Variants in APBB2 observed in about 807,000 individuals in gnomAD.
The protein encoded by APBB2 is Fe65-like 1.
Under a neutral mutation model 82.5 loss-of-function variants are expected in APBB2, and 38 were observed. The observed-to-expected ratio is 0.46, with a 90% CI of 0.36 to 0.60. APBB2 has a LOEUF of 0.60. APBB2 is among the 20% of genes least tolerant of loss of function. The pLI is 0.00. For synonymous variants in APBB2, 341 were observed against 368.2 expected (o/e 0.93, Z 0.85); for missense variants, 772 against 972.3 (o/e 0.79, Z 2.74).
At chr4:40,850,995 A>C (rs1158603908) in intron 12 of APBB2, among the ~76,000 whole-genome samples, 1 of 152,216 alleles carries the variant, frequency 6.6e-6, no homozygotes. Context: ...AAAATCTGCC[A>C]ACCCCTGCTC....
chr4:40,825,967 TCTA>T lies in APBB2; in HGVS notation c.1733_1735del (p.Val578del). On this transcript the variant is annotated inframe_deletion and splice_region_variant, in exon 15 of 18. Transcript: ENST00000508593. ...CAGCTCAGTCTTTGGTGTTGGAAAA[TCTA>T]CTACAGGGAACAAAAGCAACACATC... 1.2e-6 allele frequency: 2 copies of T among 1,613,716 alleles called. No homozygotes were observed. Among genetic ancestry groups the T allele is most frequent in the South Asian group, 1.1e-5 (1 of 91,072 alleles).
chr4:40,863,299 C>T (rs1763227570), intron 12 of APBB2, among the ~76,000 whole-genome samples: 1 of 152,186 alleles, frequency 6.6e-6, no homozygotes, highest in South Asian at 2.1e-4. Flanking sequence ...CATATCACAA[C>T]AAGGTTATCA....
chr4:40,968,130 T>C (rs1359127414), intron 6 of APBB2, among the ~76,000 whole-genome samples: 2 of 152,128 alleles, frequency 1.3e-5, no homozygotes, highest in Non-Finnish European at 1.5e-5. Context: ...CAGCAGCCCT[T>C]TAAGGTTGGT....
intron 3 of APBB2, among the ~76,000 whole-genome samples, chr4:41,082,719 T>A (rs1738111588): frequency 6.6e-6 from 1 of 151,994 alleles, no homozygotes; most frequent in African/African-American, 2.4e-5. Context: ...TGGCCAAAAT[T>A]AATGATAAAA....
rs368187037 is a variant in APBB2, at chr4:41,077,171, A to ATTT, written c.-148-11501_-148-11499dup. ...AGGCGCATACCACCACACCCAGCTA[A>ATTT]TTTTTTTTTTTTTTTTTTTGGAAGA... is the stretch of plus-strand genomic sequence containing the variant. On this transcript the variant is annotated intron_variant, in intron 3 of 17. Coordinates refer to ENST00000508593, the MANE Select transcript of APBB2 (RefSeq NM_004307.2). Among the ~76,000 whole-genome samples, 1,187 of 129,942 alleles carry ATTT rather than the reference A, an allele frequency of 9.1e-3. 18 individuals carry two copies. The highest frequency in any genetic ancestry group is 0.013 in the Non-Finnish European group (805 of 62,118). The allele number at this position is 129,942 out of a possible 152,430, so 85.2% of individuals were successfully genotyped here.
At chr4:40,960,961 TAAA>T (rs35061671) in intron 6 of APBB2, among the ~76,000 whole-genome samples, 2 of 141,432 alleles carry the variant, frequency 1.4e-5, no homozygotes, top group Non-Finnish European at 1.5e-5. Context: ...AGCCCTCCTT[TAAA>T]AAAAAAAAAA....
chr4:40,818,033 T>TG (rs1276008470), intron 17 of APBB2, among the ~76,000 whole-genome samples: 1 of 152,256 alleles, frequency 6.6e-6, no homozygotes, highest in Non-Finnish European at 1.5e-5. Flanking sequence ...GGTCCCTCTC[T>TG]GTTCTATTCT....
At chr4:40,829,598 A>G (rs1751164781) in intron 13 of APBB2, among the ~76,000 whole-genome samples, 1 of 152,116 alleles carries the variant, frequency 6.6e-6, no homozygotes, top group African/African-American at 2.4e-5. Context: ...AACATAAAGA[A>G]GAAATCTGTA....
Position 40,810,408 on chromosome 4 carries a change from T to C in APBB2, c.*5684A>G, listed in dbSNP as rs547137125. On this transcript the variant is annotated 3_prime_UTR_variant, in exon 18 of 18. Coordinates refer to ENST00000508593, the MANE Select transcript of APBB2 (RefSeq NM_004307.2). ...AACATGGCGAAACCCCAAAACCCCATCTCTACAAAAAATACAAAAATTAGC... is the reference window on the plus strand; with the variant it reads ...AACATGGCGAAACCCCAAAACCCCACCTCTACAAAAAATACAAAAATTAGC... The C allele has an allele frequency of 6.6e-6, 1 of 151,436 alleles. No individual in the cohort carries two copies. Among genetic ancestry groups the C allele is most frequent in the Non-Finnish European group, 1.5e-5 (1 of 67,878 alleles). 9.4% of individuals were successfully genotyped at this position (151,436 alleles called of 1,614,324 possible). A position where few individuals can be genotyped will look rare whatever the true frequency, so the allele number is the denominator to read the frequency against.
intron 2 of APBB2, among the ~76,000 whole-genome samples, chr4:41,117,112 T>C (rs764989014): frequency 3.0e-4 from 45 of 152,020 alleles, no homozygotes; most frequent in Non-Finnish European, 5.3e-4. Flanking sequence ...CTTTTCTGAC[T>C]CTCAGTGACA....
chr4:40,831,836 C>T (rs896939622), intron 12 of APBB2, among the ~76,000 whole-genome samples: 48 of 152,150 alleles, frequency 3.2e-4, no homozygotes, highest in African/African-American at 1.0e-3. Flanking sequence ...GGTGAGCATG[C>T]AGCCGATGTT....
intron 10 of APBB2, among the ~76,000 whole-genome samples, chr4:40,931,320 T>C (rs1440679649): frequency 6.6e-6 from 1 of 152,180 alleles, no homozygotes; most frequent in East Asian, 1.9e-4. Context: ...ACTCATGGAC[T>C]TCTCATGGAC....
intron 6 of APBB2, among the ~76,000 whole-genome samples, chr4:40,978,773 GCTC>G (rs1797789208): frequency 6.6e-6 from 1 of 152,010 alleles, no homozygotes; most frequent in South Asian, 2.1e-4. Flanking sequence ...ACAAGCAAAA[GCTC>G]ATTTTCTCCA....
intron 12 of APBB2, chr4:40,857,064 C>T: frequency 1.0e-6 from 1 of 985,582 alleles, no homozygotes; most frequent in Non-Finnish European, 1.2e-6. Flanking sequence ...GCGGGGATGC[C>T]GCCCCAGGTG....
chr4:40,825,994 T>A (rs1489825031), intron 14 of APBB2, 24 bp from the exon 15 acceptor site: 6 of 1,583,334 alleles, frequency 3.8e-6, no homozygotes, highest in Non-Finnish European at 4.3e-6. Context: ...AAGCAACACA[T>A]CTTTCTCAGT....
chr4:40,841,143 A>G (rs2154314001), intron 12 of APBB2, among the ~76,000 whole-genome samples: 2 of 152,342 alleles, frequency 1.3e-5, no homozygotes, highest in Middle Eastern at 6.8e-3. Context: ...CTATGACAGC[A>G]GCACATCACA....
At chr4:40,996,543 A>C (rs1373570840) in intron 6 of APBB2, among the ~76,000 whole-genome samples, 3 of 152,186 alleles carry the variant, frequency 2.0e-5, no homozygotes, top group Non-Finnish European at 4.4e-5. Context: ...GTCCTTGGCT[A>C]TTATTCCCAC....
chr4:41,181,870 T>C (rs555246510), intron 1 of APBB2, among the ~76,000 whole-genome samples: 1 of 144,048 alleles, frequency 6.9e-6, no homozygotes, highest in South Asian at 2.2e-4. Context: ...CGCTTGAACC[T>C]GGGAGGTGGA....
intron 2 of APBB2, among the ~76,000 whole-genome samples, chr4:41,114,249 A>G (rs1423906473): frequency 6.6e-6 from 1 of 152,210 alleles, no homozygotes; most frequent in Non-Finnish European, 1.5e-5. Context: ...TAGATGCAGA[A>G]AAGGCCTTCG....
Sources: allele counts gnomAD v4.1 joint callset (sites outside exome capture counted in the v4.1 genomes callset), GRCh38; gene constraint gnomAD v4.1.1; transcripts MANE v1.5; gene names NCBI Gene and HGNC (gene_info 2026-07-23, HGNC 2026-07-21).